TRPM3: variants seen among roughly 807,000 people sequenced by gnomAD.
TRPM3 encodes transient receptor potential cation channel subfamily M member 3.
A neutral mutation model predicts 181.2 loss-of-function variants in TRPM3; 77 were observed. That is an observed-to-expected ratio of 0.42 (90% CI 0.35 to 0.51). The LOEUF (loss-of-function observed/expected upper bound fraction) is 0.51. Ranked by LOEUF, TRPM3 falls within the 20% of genes least tolerant of loss-of-function variation. The probability of loss-of-function intolerance (pLI) is 0.01; values close to 1 mark genes in which losing one functional copy is unlikely to be tolerated. For missense variants in TRPM3, 1,759 were observed against 2,196.7 expected (o/e 0.80, Z 3.98); for synonymous variants, 745 against 796.4 (o/e 0.94, Z 1.09).
chr9:71,267,659 A>G (rs1340314410), intron 1 of TRPM3, among the ~76,000 whole-genome samples: 1 of 152,196 alleles, frequency 6.6e-6, no homozygotes, highest in Non-Finnish European at 1.5e-5. Flanking sequence ...TTGAGTGATT[A>G]TTATACAACT....
intron 1 of TRPM3, among the ~76,000 whole-genome samples, chr9:71,073,125 G>A (rs555114389): frequency 1.4e-4 from 22 of 152,246 alleles, no homozygotes; most frequent in Non-Finnish European, 4.4e-5. Flanking sequence ...AGTAACTGTC[G>A]TAGTGATGGT....
chr9:70,666,571 G>T (rs986819848), intron 9 of TRPM3, among the ~76,000 whole-genome samples: 1 of 152,184 alleles, frequency 6.6e-6, no homozygotes, highest in Non-Finnish European at 1.5e-5. Flanking sequence ...GCATTGCAAA[G>T]TTGTATAATA....
rs1200577401 is a variant in TRPM3 at position 70,689,153 on chromosome 9, C to CT, written c.1273-7576dup. On this transcript the variant is annotated intron_variant, in intron 8 of 25. Transcript: ENST00000677713. ...TTAACACAAGAGTCTACTGAACACT[C>CT]TATTATTGTTCAGGGGTCAATCACC... Among the ~76,000 whole-genome samples, 3 of 152,128 alleles carry CT rather than the reference C, an allele frequency of 2.0e-5. 1 individual carries two copies. Among genetic ancestry groups the CT allele is most frequent in the Non-Finnish European group, 4.4e-5 (3 of 68,032 alleles).
chr9:70,892,970 T>C (rs1425606460), intron 1 of TRPM3, among the ~76,000 whole-genome samples: 1 of 152,208 alleles, frequency 6.6e-6, no homozygotes, highest in African/African-American at 2.4e-5. Context: ...CCATCTACTC[T>C]ACTTTACAAG....
At chr9:70,808,860 T>C (rs2091268590) in intron 6 of TRPM3, among the ~76,000 whole-genome samples, 1 of 152,226 alleles carries the variant, frequency 6.6e-6, no homozygotes, top group Non-Finnish European at 1.5e-5. Flanking sequence ...GCTGAACAGA[T>C]TGTAGCACCC....
At chr9:71,413,512 T>C (rs10120401) in intron 1 of TRPM3, among the ~76,000 whole-genome samples, 3,990 of 152,172 alleles carry the variant, frequency 0.026, 105 homozygotes, top group African/African-American at 0.065. Flanking sequence ...ACAAGTCTCA[T>C]AATACTGTAG....
intron 1 of TRPM3, among the ~76,000 whole-genome samples, chr9:71,154,518 A>G (rs912457556): frequency 6.6e-6 from 1 of 152,094 alleles, no homozygotes; most frequent in African/African-American, 2.4e-5. Context: ...GCAGGTCAAA[A>G]TATATTTGGG....
intron 1 of TRPM3, among the ~76,000 whole-genome samples, chr9:71,242,722 C>T (rs1297794655): frequency 6.6e-6 from 1 of 152,138 alleles, no homozygotes; most frequent in East Asian, 1.9e-4. Context: ...CCCTAATCTT[C>T]CTACTTTTAT....
At chr9:70,567,901 G>A (rs894562887) in intron 22 of TRPM3, among the ~76,000 whole-genome samples, 1 of 152,120 alleles carries the variant, frequency 6.6e-6, no homozygotes, top group African/African-American at 2.4e-5. Flanking sequence ...GCTTTGTGCT[G>A]CATTCTCAAT....
At chr9:70,915,476 T>A (rs900319852) in intron 1 of TRPM3, among the ~76,000 whole-genome samples, 1 of 151,500 alleles carries the variant, frequency 6.6e-6, no homozygotes, top group Non-Finnish European at 1.5e-5. Context: ...TTTTTTTTTT[T>A]TTTTATTTTT....
intron 1 of TRPM3, among the ~76,000 whole-genome samples, chr9:71,433,878 G>A (rs1474466510): frequency 1.3e-5 from 2 of 152,154 alleles, no homozygotes; most frequent in African/African-American, 4.8e-5. Context: ...TCCTGAGGCT[G>A]GGCACGGTGA....
intron 1 of TRPM3, among the ~76,000 whole-genome samples, chr9:70,973,320 C>A (rs557479852): frequency 6.6e-6 from 1 of 152,282 alleles, no homozygotes; most frequent in South Asian, 2.1e-4. Context: ...AAGAAGCTCT[C>A]ATTCACTTGT....
At chr9:71,431,999 G>T (rs528397648) in intron 1 of TRPM3, among the ~76,000 whole-genome samples, 1 of 152,124 alleles carries the variant, frequency 6.6e-6, no homozygotes, top group Non-Finnish European at 1.5e-5. Flanking sequence ...AAATACAGTC[G>T]TTGCCCTGAA....
intron 19 of TRPM3, among the ~76,000 whole-genome samples, chr9:70,605,468 T>TCA (rs2060887889): frequency 6.9e-6 from 1 of 145,952 alleles, no homozygotes; most frequent in African/African-American, 2.6e-5. Flanking sequence ...CCCAGGGGCC[T>TCA]ATCATTTCAA....
chr9:71,282,199 T>G lies in TRPM3; in HGVS notation c.183+164454A>C, dbSNP rs7031069. The stretch of plus-strand genomic sequence containing the variant: ...AGAAAGAAAGAAAGGAAAGAAAGAA[T>G]GAAAGAAAGAAAGAAAGGAAAGAAA... On this transcript the variant is annotated intron_variant, in intron 1 of 24. Coordinates refer to the TRPM3 transcript ENST00000357533. 2.2e-3 allele frequency among the ~76,000 whole-genome samples: 31 copies of G among 14,172 alleles called. 3 individuals carry two copies. The highest frequency in any genetic ancestry group is 5.7e-3 in the East Asian group (3 of 522). 9.3% of individuals were successfully genotyped at this position (14,172 alleles called of 152,430 possible).
intron 1 of TRPM3, among the ~76,000 whole-genome samples, chr9:71,425,391 G>T (rs900519207): frequency 6.6e-6 from 1 of 152,064 alleles, no homozygotes; most frequent in African/African-American, 2.4e-5. Context: ...CTCCCCATGT[G>T]TTCAGGATTT....
rs73647103 is a variant in TRPM3, at chr9:70,616,660, T to C, written c.2359-585A>G. Among the ~76,000 whole-genome samples the C allele has an allele frequency of 1.0e-2, 1,508 of 151,238 alleles. 24 individuals are homozygous for C. The highest frequency in any genetic ancestry group is 0.035 in the African/African-American group (1,432 of 41,150). The stretch of plus-strand genomic sequence containing the variant: ...AATTCATTTTAGGGCATCTTCCTGG[T>C]ATTTGCTACGAGAACAGCAGAAACA... On this transcript the variant is annotated intron_variant, in intron 17 of 25. Coordinates refer to ENST00000677713, the MANE Select transcript of TRPM3 (RefSeq NM_001366145.2).
At chr9:70,754,536 G>A (rs1236211965) in intron 8 of TRPM3, among the ~76,000 whole-genome samples, 3 of 152,054 alleles carry the variant, frequency 2.0e-5, no homozygotes, top group Admixed American at 2.0e-4. Context: ...AAGATGTCGT[G>A]AGGGGCTGCC....
At chr9:71,325,400 A>T (rs577813738) in intron 1 of TRPM3, among the ~76,000 whole-genome samples, 5 of 152,238 alleles carry the variant, frequency 3.3e-5, no homozygotes, top group Non-Finnish European at 5.9e-5. Flanking sequence ...ACCTTTTATC[A>T]CACACATGCT....
Sources: gnomAD v4.1 joint callset for allele counts (sites outside exome capture counted in the v4.1 genomes callset) on GRCh38, gnomAD v4.1.1 for gene constraint, MANE v1.5 for transcripts, NCBI Gene and HGNC (gene_info 2026-07-23, HGNC 2026-07-21) for gene names.